FBXW8: variants seen among roughly 807,000 people sequenced by gnomAD.
The protein encoded by FBXW8 is F-box and WD repeat domain containing 8.
Under a neutral mutation model 65.3 loss-of-function variants are expected in FBXW8, and 57 were observed. The ratio of observed to expected loss-of-function variants is 0.87; its 90% CI spans 0.71 to 1.09. FBXW8 has a LOEUF of 1.09. Among genes scored for constraint, FBXW8 ranks in the 50% least tolerant of loss-of-function variants. The probability of loss-of-function intolerance (pLI) is 0.00; values close to 1 mark genes in which losing one functional copy is unlikely to be tolerated. For synonymous variants in FBXW8, 308 were observed against 330.2 expected (o/e 0.93, Z 0.73); for missense variants, 777 against 814.8 (o/e 0.95, Z 0.57).
intron 7 of FBXW8, among the ~76,000 whole-genome samples, chr12:116,993,512 G>C (rs368081449): frequency 2.6e-5 from 4 of 151,998 alleles, no homozygotes; most frequent in African/African-American, 9.7e-5. Flanking sequence ...TGTTTCTTAC[G>C]TTTGTTGGCA....
intron 5 of FBXW8, among the ~76,000 whole-genome samples, chr12:116,968,497 G>C (rs76825626): frequency 0.015 from 2,271 of 152,276 alleles, 51 homozygotes; most frequent in African/African-American, 0.046. Context: ...CACCTGAATG[G>C]TAATTCCATT....
chr12:116,944,599 G>A lies in FBXW8; in HGVS notation c.424-765G>A, dbSNP rs114725205. Reference sequence around the variant, plus strand: ...AGACCGGGATCACGCTGATCTGCTCGATCAGTTTCTCATCTGCCAACAGAG... The same window carrying A: ...AGACCGGGATCACGCTGATCTGCTCAATCAGTTTCTCATCTGCCAACAGAG... On this transcript the variant is annotated intron_variant, in intron 2 of 10. Transcript: ENST00000652555. Among the ~76,000 whole-genome samples the A allele has an allele frequency of 5.4e-3, 822 of 152,304 alleles. 11 individuals are homozygous for A. Among genetic ancestry groups the A allele is most frequent in the African/African-American group, 0.019 (792 of 41,550 alleles).
intron 7 of FBXW8, among the ~76,000 whole-genome samples, chr12:117,004,849 T>C (rs1461835552): frequency 6.6e-6 from 1 of 152,240 alleles, no homozygotes; most frequent in Non-Finnish European, 1.5e-5. Context: ...AGCCCCTGGC[T>C]TGAATGCTCT....
chr12:116,911,292 TC>T lies in FBXW8; in HGVS notation c.257del (p.Pro86LeufsTer21). ...GQDVASRSRS[P>X]LAREGAGGGE... ...AGGACGTAGCGAGCCGCTCACGTTC[TC>T]CTCTGGCCCGCGAGGGCGCCGGGGG... On this transcript the variant is annotated frameshift_variant, in exon 1 of 11. Transcript: ENST00000652555. LOFTEE classifies it high-confidence loss of function. 7.9e-7 allele frequency: 1 copy of T among 1,268,726 alleles called. No individual in the cohort carries two copies. The highest frequency in any genetic ancestry group is 9.9e-7 in the Non-Finnish European group (1 of 1,010,250). The allele number at this position is 1,268,726 out of a possible 1,614,324, so 78.6% of individuals were successfully genotyped here. A position where few individuals can be genotyped will look rare whatever the true frequency, so the allele number is the denominator to read the frequency against.
chr12:117,018,507 G>A (rs1184397123), intron 8 of FBXW8, among the ~76,000 whole-genome samples: 2 of 152,224 alleles, frequency 1.3e-5, no homozygotes, highest in Admixed American at 6.5e-5. Flanking sequence ...TGTGCTGCGC[G>A]CTGTCAGATG....
intron 1 of FBXW8, among the ~76,000 whole-genome samples, chr12:116,927,537 A>G (rs1489794135): frequency 6.6e-6 from 1 of 152,212 alleles, no homozygotes; most frequent in African/African-American, 2.4e-5. Flanking sequence ...TTAGTGACCT[A>G]GAGCAGCTTT....
intron 3 of FBXW8, 41 bp from the exon 4 acceptor site, chr12:116,949,577 C>A: frequency 6.3e-7 from 1 of 1,587,932 alleles, no homozygotes; most frequent in South Asian, 1.1e-5. Context: ...TCGGGCTGTC[C>A]CGAGAGCAGT....
At chr12:116,983,308 T>G (rs1885447168) in intron 5 of FBXW8, among the ~76,000 whole-genome samples, 1 of 152,198 alleles carries the variant, frequency 6.6e-6, no homozygotes, top group Non-Finnish European at 1.5e-5. Flanking sequence ...TGAGTCAGGA[T>G]GGAAAGAATT....
At chr12:116,919,876 C>G (rs999791761) in intron 1 of FBXW8, among the ~76,000 whole-genome samples, 1 of 152,238 alleles carries the variant, frequency 6.6e-6, no homozygotes, top group Non-Finnish European at 1.5e-5. Flanking sequence ...TTTAACCTGT[C>G]AGATCCTGCA....
chr12:116,911,119 C>A lies in FBXW8; in HGVS notation c.82C>A (p.Arg28=). ...GGCCCAGGCGCCGAAGAAGCGGCGACGGCCCGAGGCTGCCGAGAGGCGGGC... is the reference window on the plus strand; with the variant it reads ...GGCCCAGGCGCCGAAGAAGCGGCGAAGGCCCGAGGCTGCCGAGAGGCGGGC... ...AQAQAPKKRR[R]PEAAERRARR... is the part of the protein sequence containing the mutation. The change falls in exon 1 of 11, where the codon CGG becomes AGG. Residue 28 remains arginine, a synonymous_variant. Transcript: ENST00000652555. 3 of 1,375,098 alleles carry A rather than the reference C, an allele frequency of 2.2e-6. No individual in the cohort carries two copies. Among genetic ancestry groups the A allele is most frequent in the Non-Finnish European group, 9.3e-7 (1 of 1,075,168 alleles). 85.2% of individuals were successfully genotyped at this position (1,375,098 alleles called of 1,614,324 possible).
At chr12:116,940,524 A>G (rs1251064953) in intron 2 of FBXW8, among the ~76,000 whole-genome samples, 1 of 127,610 alleles carries the variant, frequency 7.8e-6, no homozygotes, top group Non-Finnish European at 1.6e-5. Flanking sequence ...GTTTGTGTTT[A>G]AAAAAAAAAA....
At position 116,911,010 on chromosome 12, in the gene FBXW8, A is replaced by G; in HGVS notation, c.-28A>G. The G allele has an allele frequency of 2.2e-6, 3 of 1,379,946 alleles. No individual in the cohort carries two copies. Among genetic ancestry groups the G allele is most frequent in the Non-Finnish European group, 2.8e-6 (3 of 1,073,402 alleles). The allele number at this position is 1,379,946 out of a possible 1,614,324, so 85.5% of individuals were successfully genotyped here. ...CTCGTGGCACCCGGTGGAACCGAGG[A>G]GAACGTGGAGCGCCGGGAGCGGCGA... On this transcript the variant is annotated 5_prime_UTR_variant, in exon 1 of 11. Transcript: ENST00000652555.
At chr12:116,998,205 T>A (rs1286020305) in intron 7 of FBXW8, among the ~76,000 whole-genome samples, 1 of 152,238 alleles carries the variant, frequency 6.6e-6, no homozygotes, top group Non-Finnish European at 1.5e-5. Context: ...AATAAGCTAA[T>A]GTGAATGCTG....
Position 117,028,198 on chromosome 12 carries a change from AG to A in FBXW8, c.*27del. ...GGATGTGCCTCAGTTGGGAGCAAGG[AG>A]AAAAATGGGAAGAACCAGTTTTATC... On this transcript the variant is annotated 3_prime_UTR_variant, in exon 11 of 11. Coordinates refer to ENST00000652555, the MANE Select transcript of FBXW8 (RefSeq NM_153348.3). The surrounding 1 kb of genome is among the most constrained non-coding windows in gnomAD (Gnocchi z 4.1). 1 of 1,611,032 alleles carries A rather than the reference AG, an allele frequency of 6.2e-7. No homozygotes were observed. The highest frequency in any genetic ancestry group is 8.5e-7 in the Non-Finnish European group (1 of 1,177,836).
chr12:116,977,541 ATCT>A (rs1222479539), intron 5 of FBXW8: 1 of 151,944 alleles, frequency 6.6e-6, no homozygotes, highest in Non-Finnish European at 1.5e-5. Context: ...TTCAGTAGTG[ATCT>A]TTTTTTTTTA....
At position 116,929,301 on chromosome 12, in the gene FBXW8, C is replaced by T. The variant is rs199553840; in HGVS notation, c.423+1174C>T. Among the ~76,000 whole-genome samples the T allele has an allele frequency of 1.7e-4, 26 of 152,300 alleles. No individual in the cohort carries two copies. In the East Asian group the frequency reaches 4.8e-3, roughly 28 times the overall value. ...CGAGGCTGGAGTGCAGTGGCGCGAT[C>T]TCGGCTTCCTGCAACCTCTGCCTCC... On this transcript the variant is annotated intron_variant, in intron 2 of 10. Coordinates refer to ENST00000652555, the MANE Select transcript of FBXW8 (RefSeq NM_153348.3).
At chr12:117,013,507 CGTCGGCAT>C (rs1277147803) in intron 8 of FBXW8, among the ~76,000 whole-genome samples, 3 of 152,020 alleles carry the variant, frequency 2.0e-5, no homozygotes, top group Non-Finnish European at 4.4e-5. Context: ...GAGTGATGCA[CGTCGGCAT>C]TAGGGCTGGC....
intron 5 of FBXW8, among the ~76,000 whole-genome samples, chr12:116,984,403 A>C (rs1885525916): frequency 6.6e-6 from 1 of 152,206 alleles, no homozygotes; most frequent in African/African-American, 2.4e-5. Flanking sequence ...GCAGCATTCC[A>C]GGTGCTGGGA....
At chr12:117,019,738 T>C (rs1176127443) in intron 8 of FBXW8, among the ~76,000 whole-genome samples, 1 of 152,168 alleles carries the variant, frequency 6.6e-6, no homozygotes, top group Non-Finnish European at 1.5e-5. Context: ...AGTGTGACTG[T>C]TGAAGGCCTC....
Sources: gnomAD v4.1 joint callset for allele counts (sites outside exome capture counted in the v4.1 genomes callset) on GRCh38, gnomAD v4.1.1 for gene constraint, Gnocchi (gnomAD v3.1) non-coding constraint, MANE v1.5 for transcripts, NCBI Gene and HGNC (gene_info 2026-07-23, HGNC 2026-07-21) for gene names.